C1orf87: variants seen among roughly 807,000 people sequenced by gnomAD.
The protein encoded by C1orf87 is chromosome 1 open reading frame 87.
Under a neutral mutation model 60.5 loss-of-function variants are expected in C1orf87, and 58 were observed. The observed-to-expected ratio is 0.96, with a 90% CI of 0.78 to 1.19. The LOEUF is 1.19. C1orf87 is among the 50% of genes most tolerant of loss of function. C1orf87 has a pLI of 0.00. For missense variants in C1orf87, 673 were observed against 638.6 expected, an observed-to-expected ratio of 1.05 and a Z score of -0.58; for synonymous variants, 236 against 227.4, an observed-to-expected ratio of 1.04 and a Z score of -0.34.
At chr1:60,026,244 T>C (rs1645197364) in intron 7 of C1orf87, among the ~76,000 whole-genome samples, 3 of 152,186 alleles carry the variant, frequency 2.0e-5, no homozygotes, top group Admixed American at 2.0e-4. Context: ...ACAGACCTTA[T>C]CTGAGCACAG....
intron 2 of C1orf87, 35 bp from the exon 3 acceptor site, chr1:60,055,473 A>G: frequency 1.9e-6 from 3 of 1,575,420 alleles, no homozygotes; most frequent in Non-Finnish European, 1.7e-6. Context: ...TGTTACTTAC[A>G]GGCAGACTCC....
intron 2 of C1orf87, among the ~76,000 whole-genome samples, chr1:60,065,062 TTA>T (rs1645535854): frequency 8.1e-6 from 1 of 124,076 alleles, no homozygotes; most frequent in African/African-American, 3.0e-5. Context: ...AAAATATATA[TTA>T]TTTATATATA....
At chr1:60,000,601 A>G (rs1484198923) in intron 10 of C1orf87, among the ~76,000 whole-genome samples, 3 of 152,052 alleles carry the variant, frequency 2.0e-5, no homozygotes, top group African/African-American at 4.8e-5. Flanking sequence ...ATGGGTTTTA[A>G]CTGCTTGCCA....
chr1:59,994,053 C>T (rs896377788), intron 11 of C1orf87, among the ~76,000 whole-genome samples: 3 of 152,090 alleles, frequency 2.0e-5, no homozygotes, highest in Non-Finnish European at 2.9e-5. Context: ...GCCACTGCAC[C>T]CCACCATAAG....
At chr1:60,045,755 G>A (rs899532350) in intron 3 of C1orf87, among the ~76,000 whole-genome samples, 4 of 152,130 alleles carry the variant, frequency 2.6e-5, no homozygotes, top group South Asian at 2.1e-4. Flanking sequence ...TGAGACCCAC[G>A]CCAGACCCAC....
chr1:60,002,512 A>G (rs1645013147), intron 9 of C1orf87, among the ~76,000 whole-genome samples: 1 of 152,016 alleles, frequency 6.6e-6, no homozygotes, highest in East Asian at 1.9e-4. Flanking sequence ...GTTTGAGTTC[A>G]TTGTAGATTC....
chr1:60,061,312 CAT>C (rs765009081), intron 2 of C1orf87, among the ~76,000 whole-genome samples: 6 of 152,222 alleles, frequency 3.9e-5, no homozygotes, highest in Non-Finnish European at 7.4e-5. Flanking sequence ...CATATACACA[CAT>C]GAGAAGTTTT....
chr1:60,001,587 A>G (rs1645005709), intron 9 of C1orf87, among the ~76,000 whole-genome samples: 1 of 152,032 alleles, frequency 6.6e-6, no homozygotes, highest in Admixed American at 6.6e-5. Context: ...AAAGATGATG[A>G]TGGTGATGCA....
At chr1:60,041,955 A>G (rs894446830) in intron 3 of C1orf87, among the ~76,000 whole-genome samples, 1 of 152,138 alleles carries the variant, frequency 6.6e-6, no homozygotes, top group African/African-American at 2.4e-5. Context: ...AATTATTCCA[A>G]CTAGCTAGTC....
chr1:60,044,830 C>A (rs905270780), intron 3 of C1orf87, among the ~76,000 whole-genome samples: 1 of 152,184 alleles, frequency 6.6e-6, no homozygotes, highest in African/African-American at 2.4e-5. Context: ...ATTTAGTTTA[C>A]TTTGAATAAC....
intron 9 of C1orf87, among the ~76,000 whole-genome samples, chr1:60,001,692 C>T (rs939419606): frequency 7.2e-5 from 11 of 152,076 alleles, no homozygotes; most frequent in African/African-American, 2.7e-4. Context: ...GGGACGTCTT[C>T]CTGTGGTCCT....
intron 2 of C1orf87, among the ~76,000 whole-genome samples, chr1:60,068,829 C>T (rs1340995438): frequency 6.6e-6 from 1 of 152,108 alleles, no homozygotes; most frequent in Non-Finnish European, 1.5e-5. Context: ...CTCCTATCTC[C>T]TTTTTGAAAA....
rs555344228 is a variant in C1orf87, at chr1:60,061,559, C to T, written c.108-6121G>A. Among the ~76,000 whole-genome samples, 12 of 151,924 alleles carry T rather than the reference C, an allele frequency of 7.9e-5. No homozygotes were observed. In the South Asian group the frequency reaches 2.1e-3, roughly 26 times the overall value. ...ATTTTCATTAATTTCAATGTTGCTGCTCTGCTGGAGATGTTTCTTTTGCAC... is the reference window on the plus strand; with the variant it reads ...ATTTTCATTAATTTCAATGTTGCTGTTCTGCTGGAGATGTTTCTTTTGCAC... On this transcript the variant is annotated intron_variant, in intron 2 of 11. Transcript: ENST00000371201.
At chr1:59,995,286 A>C (rs1644955776) in intron 11 of C1orf87, among the ~76,000 whole-genome samples, 2 of 152,184 alleles carry the variant, frequency 1.3e-5, no homozygotes, top group Non-Finnish European at 2.9e-5. Context: ...CACCACTCTC[A>C]TAGCCCTGTT....
chr1:60,044,411 T>C (rs1645351236), intron 3 of C1orf87, among the ~76,000 whole-genome samples: 2 of 152,246 alleles, frequency 1.3e-5, no homozygotes, highest in South Asian at 4.1e-4. Flanking sequence ...ATGAGTGTTA[T>C]GTATTTTAAA....
At chr1:60,020,428 C>G (rs1645155290) in intron 8 of C1orf87, among the ~76,000 whole-genome samples, 1 of 152,210 alleles carries the variant, frequency 6.6e-6, no homozygotes. Flanking sequence ...GTCAAAGTAG[C>G]TGTACCCTGA....
chr1:60,015,551 G>T (rs1249492321), intron 8 of C1orf87, among the ~76,000 whole-genome samples: 1 of 152,144 alleles, frequency 6.6e-6, no homozygotes, highest in African/African-American at 2.4e-5. Context: ...GGTGTCAGTA[G>T]GTTTAGTTTA....
intron 2 of C1orf87, among the ~76,000 whole-genome samples, chr1:60,068,863 G>T (rs188283287): frequency 6.6e-6 from 1 of 152,168 alleles, no homozygotes; most frequent in East Asian, 1.9e-4. Context: ...CTCCTGTCAC[G>T]TGGCATGTTA....
chr1:60,064,744 T>A (rs1407139771), intron 2 of C1orf87, among the ~76,000 whole-genome samples: 1 of 98,400 alleles, frequency 1.0e-5, no homozygotes, highest in Non-Finnish European at 1.8e-5. Context: ...TTAAATAGAA[T>A]ATTAAATATA....
Sources: allele counts gnomAD v4.1 joint callset (sites outside exome capture counted in the v4.1 genomes callset), GRCh38; gene constraint gnomAD v4.1.1; transcripts MANE v1.5; gene names NCBI Gene and HGNC (gene_info 2026-07-23, HGNC 2026-07-21).